Variants in SART1 observed in about 807,000 individuals in gnomAD.
SART1 encodes U4/U6.U5 tri-snRNP-associated protein 1.
Under a neutral mutation model 105.0 loss-of-function variants are expected in SART1, and 28 were observed. The observed-to-expected ratio is 0.27, with a 90% CI of 0.20 to 0.37. SART1 has a LOEUF of 0.37. SART1 is among the 10% of genes least tolerant of loss of function. The pLI is 1.00. For synonymous variants in SART1, 472 were observed against 462.9 expected (o/e 1.02, Z -0.25); for missense variants, 894 against 1,106.5 (o/e 0.81, Z 2.72).
Position 65,967,485 on chromosome 11 carries a change from G to T in SART1, c.1328G>T (p.Gly443Val). Reference protein sequence around the residue: ...GDFGSRLRGRGRRRVSEVEEE... With the variant: ...GDFGSRLRGRVRRRVSEVEEE... Reference sequence around the variant, plus strand: ...CCTTCCCTCAGACTGCGGGGACGGGGTCGCCGCCGAGTGTCCGAAGTGGAG... The same window carrying T: ...CCTTCCCTCAGACTGCGGGGACGGGTTCGCCGCCGAGTGTCCGAAGTGGAG... Residue 443 changes from glycine (G) to valine (V), a missense_variant, in exon 11 of 20, where the codon GGT becomes GTT. Gly to Val is a moderately radical substitution (Grantham distance 109). This residue lies in a region of SART1 where 712 missense variants were observed against 778.2 expected (regional missense o/e 0.91). Transcript: ENST00000312397. 2 of 1,613,316 alleles carry T rather than the reference G, an allele frequency of 1.2e-6. No homozygotes were observed. The highest frequency in any genetic ancestry group is 1.1e-5 in the South Asian group (1 of 91,068).
intron 12 of SART1, among the ~76,000 whole-genome samples, chr11:65,968,940 C>T (rs1439280730): frequency 6.6e-6 from 1 of 152,212 alleles, no homozygotes; most frequent in East Asian, 1.9e-4. Flanking sequence ...CTGTCATCTC[C>T]ATCATTCCAG....
In SART1 at chr11:65,967,546, G is replaced by C. The variant is rs754417775; in HGVS notation, c.1389G>C (p.Ser463=). 1 of 1,612,896 alleles carries C rather than the reference G, an allele frequency of 6.2e-7. No individual in the cohort carries two copies. Among genetic ancestry groups the C allele is most frequent in the African/African-American group, 1.3e-5 (1 of 75,036 alleles). Residue 463 remains serine, a synonymous_variant, in exon 11 of 20, where the codon TCG becomes TCC. Transcript: ENST00000312397. ...AGCCTGTGCCTCAGCCCCTGCCGTC[G>C]GACGACACCCGAGTGGAGAACATGG... ...EKEPVPQPLP[S]DDTRVENMDI... is the part of the protein sequence containing the mutation.
At chr11:65,963,289 T>C (rs1465333975) in intron 1 of SART1, among the ~76,000 whole-genome samples, 2 of 151,976 alleles carry the variant, frequency 1.3e-5, no homozygotes, top group African/African-American at 2.4e-5. Context: ...CGATCAGCAG[T>C]CCCACATACC....
chr11:65,965,157 G>C lies in SART1; in HGVS notation c.493G>C (p.Glu165Gln), dbSNP rs1207364628. ...CAACCCTATGGCCTTGCGACAGCGA[G>C]AGGAGCTGCGGGAGAAGCTGGCGGC... ...VINPMALRQR[E>Q]ELREKLAAAK... is the part of the protein sequence containing the mutation. Residue 165 changes from glutamate to glutamine, a missense_variant, in exon 4 of 20, where the codon GAG (glutamate) becomes CAG (glutamine). Around this residue, in one of 2 missense-constraint regions of SART1, gnomAD observed 712 missense variants for 778.2 expected, o/e 0.91. Coordinates refer to ENST00000312397, the MANE Select transcript of SART1 (RefSeq NM_005146.5). 6.2e-7 allele frequency: 1 copy of C among 1,603,602 alleles called. No individual in the cohort carries two copies. The highest frequency in any genetic ancestry group is 8.5e-7 in the Non-Finnish European group (1 of 1,177,582).
Position 65,977,558 on chromosome 11 carries a change from C to T in SART1, c.1946-5C>T, listed in dbSNP as rs1440289913. 4 of 1,613,258 alleles carry T rather than the reference C, an allele frequency of 2.5e-6. No homozygotes were observed. The highest frequency in any genetic ancestry group is 3.4e-6 in the Non-Finnish European group (4 of 1,179,424). ...TTGGGAGTCTCACAACCCCTCCATC[C>T]CTAGGGCTGCTGGAGACCACAGTGC... On this transcript the variant is annotated splice_polypyrimidine_tract_variant and splice_region_variant and intron_variant, in intron 15 of 19. Transcript: ENST00000312397.
At position 65,961,989 on chromosome 11, in the gene SART1, C is replaced by A; in HGVS notation, c.209C>A (p.Ala70Asp). The A allele has an allele frequency of 6.6e-7, 1 of 1,520,024 alleles. No individual in the cohort carries two copies. The highest frequency in any genetic ancestry group is 8.8e-7 in the Non-Finnish European group (1 of 1,137,580). 94.2% of individuals were successfully genotyped at this position (1,520,024 alleles called of 1,614,324 possible). A position where few individuals can be genotyped will look rare whatever the true frequency, so the allele number is the denominator to read the frequency against. The change falls in exon 1 of 20, where the codon GCC becomes GAC. Residue 70 changes from alanine to aspartate, a missense_variant. Coordinates refer to ENST00000312397, the MANE Select transcript of SART1 (RefSeq NM_005146.5). ...GGERGSGRRG[A>D]EAEARSSTHG... Reference sequence around the variant, plus strand: ...GAGCGCGGGAGCGGGCGGCGCGGGGCCGAAGCTGAGGCCCGGAGCAGCACG... The same window carrying A: ...GAGCGCGGGAGCGGGCGGCGCGGGGACGAAGCTGAGGCCCGGAGCAGCACG...
rs930206013 is a variant in SART1, at chr11:65,979,169, G to A, written c.*139G>A. ...TGGCACAGAGTCTGGCTCCTGCTAG[G>A]TGAGACCTGGCCATCAAATGACACA... On this transcript the variant is annotated 3_prime_UTR_variant, in exon 20 of 20. Coordinates refer to ENST00000312397, the MANE Select transcript of SART1 (RefSeq NM_005146.5). The A allele has an allele frequency of 2.8e-5, 31 of 1,104,992 alleles. No homozygotes were observed. The African/African-American group carries it at 4.2e-4, about 15-fold the overall frequency. 68.4% of individuals were successfully genotyped at this position (1,104,992 alleles called of 1,614,324 possible). A position where few individuals can be genotyped will look rare whatever the true frequency, so the allele number is the denominator to read the frequency against.
chr11:65,974,729 T>C (rs894600207), intron 12 of SART1, among the ~76,000 whole-genome samples: 2 of 151,906 alleles, frequency 1.3e-5, no homozygotes, highest in African/African-American at 4.8e-5. Flanking sequence ...ATGTTTACAA[T>C]GTTCATTAAA....
rs1565313091 is a variant in SART1, at chr11:65,966,068, GC to G, written c.839-3del. On this transcript the variant is annotated splice_region_variant and splice_polypyrimidine_tract_variant and intron_variant, in intron 7 of 19. Transcript: ENST00000312397. ...GTGTGAATGGCCACTGCTCTGTGCT[GC>G]CCCCAGGCGTGCTGCAGGAGGAGGA... 3.1e-6 allele frequency: 5 copies of G among 1,613,884 alleles called. No individual in the cohort carries two copies. The highest frequency in any genetic ancestry group is 4.2e-6 in the Non-Finnish European group (5 of 1,179,932).
rs772245677 is a variant in SART1, at chr11:65,965,338, T to A, written c.555-4T>A. ...CCTTGAGCATCACTTTTTCCCCTCT[T>A]CAGGAAGATAAAGACCCTAGGAGAG... On this transcript the variant is annotated splice_polypyrimidine_tract_variant and splice_region_variant and intron_variant, in intron 4 of 19. Transcript: ENST00000312397. The A allele has an allele frequency of 5.0e-6, 8 of 1,593,204 alleles. No individual in the cohort carries two copies. The highest frequency in any genetic ancestry group is 6.8e-6 in the Non-Finnish European group (8 of 1,169,880).
chr11:65,965,750 G>A lies in SART1; in HGVS notation c.709G>A (p.Val237Met), dbSNP rs760359561. ...MDQEFGVSTL[V>M]EEEFGQRRQD... is the part of the protein sequence containing the mutation. ...CCAAGAGTTTGGTGTCAGCACTCTG[G>A]TGGAGGAGGAGTTCGGGCAGAGGCG... is the stretch of plus-strand genomic sequence containing the variant. Residue 237 changes from valine (V) to methionine (M), a missense_variant, in exon 6 of 20, where the codon GTG (valine) becomes ATG (methionine). Val to Met is a conservative substitution (Grantham distance 21). This residue lies in a region of SART1 where 712 missense variants were observed against 778.2 expected (regional missense o/e 0.91). Transcript: ENST00000312397. The A allele has an allele frequency of 5.0e-6, 8 of 1,613,988 alleles. No homozygotes were observed. In the African/African-American group the frequency reaches 1.1e-4, roughly 22 times the overall value.
Position 65,976,866 on chromosome 11 carries a change from G to A in SART1, c.1857+100G>A. 2 of 1,162,498 alleles carry A rather than the reference G, an allele frequency of 1.7e-6. No homozygotes were observed. Among genetic ancestry groups the A allele is most frequent in the Non-Finnish European group, 2.5e-6 (2 of 803,126 alleles). The allele number at this position is 1,162,498 out of a possible 1,614,324, so 72.0% of individuals were successfully genotyped here. ...GAGCCTCAGCCTCCTCATCCAGAGT[G>A]GGCTCTGCAGACCTCCCAGGGCGAT... is the stretch of plus-strand genomic sequence containing the variant. On this transcript the variant is annotated intron_variant, in intron 14 of 19. Coordinates refer to ENST00000312397, the MANE Select transcript of SART1 (RefSeq NM_005146.5). This position sits in a 1 kb window ranked among gnomAD's most constrained non-coding sequence, Gnocchi z 5.1.
rs1855544214 is a variant in SART1 at position 65,979,272 on chromosome 11, C to A, written c.*242C>A. 1 of 602,228 alleles carries A rather than the reference C, an allele frequency of 1.7e-6. No homozygotes were observed. Among genetic ancestry groups the A allele is most frequent in the Admixed American group, 2.9e-5 (1 of 33,922 alleles). The allele number at this position is 602,228 out of a possible 1,614,324, so 37.3% of individuals were successfully genotyped here. A position where few individuals can be genotyped will look rare whatever the true frequency, so the allele number is the denominator to read the frequency against. On this transcript the variant is annotated 3_prime_UTR_variant, in exon 20 of 20. Coordinates refer to ENST00000312397, the MANE Select transcript of SART1 (RefSeq NM_005146.5). ...CTTCTCCCCTGGCTGTCGGTCACAC[C>A]TCTGCAGGGCCGGCTCTCTGATAGA...
intron 12 of SART1, 40 bp downstream of exon 12, chr11:65,967,861 A>C (rs754066795): frequency 6.9e-7 from 1 of 1,444,054 alleles, no homozygotes. Flanking sequence ...GTCAGCAGTC[A>C]CCTGTCCTCA....
intron 15 of SART1, among the ~76,000 whole-genome samples, 178 bp from the exon 16 acceptor site, chr11:65,977,385 A>G (rs1590645588): frequency 6.6e-6 from 1 of 152,184 alleles, no homozygotes; most frequent in African/African-American, 2.4e-5. Context: ...TTCCCTGGCC[A>G]GTGACCCTTG....
intron 12 of SART1, among the ~76,000 whole-genome samples, chr11:65,971,650 G>T (rs1396527784): frequency 6.6e-6 from 1 of 151,686 alleles, no homozygotes; most frequent in African/African-American, 2.4e-5. Context: ...TGAGGAGGGG[G>T]ATGGTGGGAT....
At chr11:65,968,474 G>A (rs1222234850) in intron 12 of SART1, among the ~76,000 whole-genome samples, 1 of 152,194 alleles carries the variant, frequency 6.6e-6, no homozygotes, top group Non-Finnish European at 1.5e-5. Context: ...GAGCAGCAGT[G>A]ACTGTTAATG....
rs767637447 is a variant in SART1 at position 65,976,668 on chromosome 11, G to C, written c.1759G>C (p.Asp587His). ...EQEELMDFER[D>H]EERSANGGSE... ...TTTTGTGCCCCAGGACTTTGAACGG[G>C]ATGAGGAGCGCTCAGCCAACGGTGG... The change falls in exon 14 of 20, where the codon GAT (aspartate) becomes CAT (histidine). Residue 587 changes from aspartate to histidine, a missense_variant. Asp to His is a moderately conservative substitution (Grantham distance 81). This residue lies in a region of SART1 where 182 missense variants were observed against 328.3 expected (regional missense o/e 0.55). Coordinates refer to ENST00000312397, the MANE Select transcript of SART1 (RefSeq NM_005146.5). The surrounding 1 kb of genome is among the most constrained non-coding windows in gnomAD (Gnocchi z 5.1). 1 of 1,613,654 alleles carries C rather than the reference G, an allele frequency of 6.2e-7. No individual in the cohort carries two copies. Among genetic ancestry groups the C allele is most frequent in the Non-Finnish European group, 8.5e-7 (1 of 1,179,936 alleles).
chr11:65,965,079 G>GC lies in SART1; in HGVS notation c.428-7dup. 1 of 1,566,592 alleles carries GC rather than the reference G, an allele frequency of 6.4e-7. No individual in the cohort carries two copies. Among genetic ancestry groups the GC allele is most frequent in the South Asian group, 1.2e-5 (1 of 85,018 alleles). ...TGGGCGGGCATAGCCTCACGTCTGG[G>GC]CCCCCCTTCCAGAGGCGGGCACCAA... is the stretch of plus-strand genomic sequence containing the variant. On this transcript the variant is annotated splice_polypyrimidine_tract_variant and intron_variant, in intron 3 of 19. Coordinates refer to ENST00000312397, the MANE Select transcript of SART1 (RefSeq NM_005146.5).
Sources: gnomAD v4.1 joint callset for allele counts (sites outside exome capture counted in the v4.1 genomes callset) on GRCh38, gnomAD v4.1.1 for gene constraint, gnomAD v4.1.1 regional missense constraint, Gnocchi (gnomAD v3.1) non-coding constraint, MANE v1.5 for transcripts, NCBI Gene and HGNC (gene_info 2026-07-23, HGNC 2026-07-21) for gene names.